PRIM2: variants seen among roughly 807,000 people sequenced by gnomAD.
PRIM2 encodes DNA primase subunit 2.
Under a neutral mutation model 67.3 loss-of-function variants are expected in PRIM2, and 39 were observed. The ratio of observed to expected loss-of-function variants is 0.58; its 90% confidence interval spans 0.45 to 0.76. PRIM2 has a LOEUF of 0.76. Among genes scored for constraint, PRIM2 ranks in the 30% least tolerant of loss-of-function variants. The probability of loss-of-function intolerance (pLI) is 0.00; values close to 1 mark genes in which losing one functional copy is unlikely to be tolerated. For synonymous variants in PRIM2, 143 were observed against 198.7 expected, an observed-to-expected ratio of 0.72 and a Z score of 2.36; for missense variants, 398 against 598.7, an observed-to-expected ratio of 0.66 and a Z score of 3.50.
chr6:57,363,316 A>T (rs1213350682), intron 5 of PRIM2, among the ~76,000 whole-genome samples: 2 of 152,342 alleles, frequency 1.3e-5, no homozygotes, highest in East Asian at 3.9e-4. Context: ...GTAAGCAATT[A>T]GTAATAAAAT....
At chr6:57,267,077 A>G in the PRIM2 span, among the ~76,000 whole-genome samples, 2 of 152,224 alleles carry the variant, frequency 1.3e-5, no homozygotes, top group Non-Finnish European at 2.9e-5. Flanking sequence ...TAAGTCTAAA[A>G]ATGTTCTTAA....
chr6:57,523,418 T>C lies in PRIM2; in HGVS notation c.762-8993T>C, dbSNP rs1279001448. Among the ~76,000 whole-genome samples the C allele has an allele frequency of 7.2e-5, 11 of 152,380 alleles. No individual in the cohort carries two copies. In the South Asian group the frequency reaches 1.0e-3, roughly 14 times the overall value. ...GTTCTTTTATGCCTCCATGATTGCC[T>C]TGGGCAAACTGGACTTGGAGAAATT... On this transcript the variant is annotated intron_variant, in intron 8 of 13. Coordinates refer to ENST00000615550, the MANE Select transcript of PRIM2 (RefSeq NM_000947.5).
chr6:57,251,952 A>G, the PRIM2 span, among the ~76,000 whole-genome samples: 1 of 152,198 alleles, frequency 6.6e-6, no homozygotes, highest in Admixed American at 6.5e-5. Context: ...GAATTCCTGC[A>G]TGGCTTGATT....
chr6:57,609,699 T>A (rs1776630507), intron 12 of PRIM2, among the ~76,000 whole-genome samples: 1 of 152,222 alleles, frequency 6.6e-6, no homozygotes, highest in Non-Finnish European at 1.5e-5. Flanking sequence ...CCTTTAGACC[T>A]GCATTGTAAC....
At chr6:57,440,084 A>G (rs1319218069) in intron 7 of PRIM2, among the ~76,000 whole-genome samples, 2 of 151,334 alleles carry the variant, frequency 1.3e-5, no homozygotes, top group Non-Finnish European at 2.9e-5. Context: ...AATTAAAACT[A>G]TTGAGAATCC....
chr6:57,507,601 A>C, intron 8 of PRIM2, 147 bp downstream of exon 8: 2 of 1,000,596 alleles, frequency 2.0e-6, no homozygotes, highest in Middle Eastern at 6.2e-4. Flanking sequence ...TGAAGTTCTT[A>C]ATACCATGTA....
At chr6:57,286,825 T>C in the PRIM2 span, among the ~76,000 whole-genome samples, 1 of 152,164 alleles carries the variant, frequency 6.6e-6, no homozygotes, top group Non-Finnish European at 1.5e-5. Flanking sequence ...ACAGGCAACC[T>C]ACAGAATGGG....
At chr6:57,227,815 G>A in the PRIM2 span, among the ~76,000 whole-genome samples, 1 of 152,218 alleles carries the variant, frequency 6.6e-6, no homozygotes, top group African/African-American at 2.4e-5. Context: ...GGGCAGTTAT[G>A]AATTCAAACT....
chr6:57,291,565 A>T, the PRIM2 span, among the ~76,000 whole-genome samples: 3 of 152,184 alleles, frequency 2.0e-5, no homozygotes, highest in Non-Finnish European at 4.4e-5. Flanking sequence ...TCAGGCCAAT[A>T]TCCCTGATGA....
At chr6:57,621,084 T>C (rs1776844503) in intron 12 of PRIM2, among the ~76,000 whole-genome samples, 1 of 152,196 alleles carries the variant, frequency 6.6e-6, no homozygotes, top group African/African-American at 2.4e-5. Flanking sequence ...TTTTTTTTGG[T>C]AGTGTACTTA....
intron 10 of PRIM2, among the ~76,000 whole-genome samples, chr6:57,594,713 A>G (rs2127489572): frequency 1.3e-5 from 2 of 152,334 alleles, no homozygotes; most frequent in South Asian, 4.1e-4. Context: ...AAAACATTAC[A>G]ATTTCTAAAG....
chr6:57,449,006 T>C (rs1314340430), intron 7 of PRIM2, among the ~76,000 whole-genome samples: 1 of 152,194 alleles, frequency 6.6e-6, no homozygotes, highest in African/African-American at 2.4e-5. Context: ...TCTGGGGTCC[T>C]CTTGGCCAAG....
chr6:57,417,246 C>A (rs569009854), intron 7 of PRIM2, among the ~76,000 whole-genome samples: 1 of 152,122 alleles, frequency 6.6e-6, no homozygotes, highest in Non-Finnish European at 1.5e-5. Flanking sequence ...GGATTACAGG[C>A]GTGAGCCAGC....
At chr6:57,229,227 T>G in the PRIM2 span, among the ~76,000 whole-genome samples, 2 of 152,192 alleles carry the variant, frequency 1.3e-5, no homozygotes, top group African/African-American at 4.8e-5. Flanking sequence ...GAGAGGCTGA[T>G]CCTAAACCCC....
At chr6:57,274,458 T>G in the PRIM2 span, among the ~76,000 whole-genome samples, 2 of 152,170 alleles carry the variant, frequency 1.3e-5, no homozygotes, top group South Asian at 2.1e-4. Context: ...TGGTGTACCG[T>G]TTTTTAAACC....
the PRIM2 span, among the ~76,000 whole-genome samples, chr6:57,249,179 T>G: frequency 6.6e-6 from 1 of 152,238 alleles, no homozygotes; most frequent in Admixed American, 6.5e-5. Context: ...GGATGTGACA[T>G]GCTTAAGGAG....
At chr6:57,331,671 A>C (rs1487459298) in intron 5 of PRIM2, among the ~76,000 whole-genome samples, 1 of 151,904 alleles carries the variant, frequency 6.6e-6, no homozygotes, top group Non-Finnish European at 1.5e-5. Context: ...TAAGTTATCT[A>C]ATTGATTCAT....
At chr6:57,259,536 G>A in the PRIM2 span, among the ~76,000 whole-genome samples, 1 of 152,090 alleles carries the variant, frequency 6.6e-6, no homozygotes, top group African/African-American at 2.4e-5. Context: ...ATAAGGGTAT[G>A]CCTGTTGATT....
In PRIM2 at chr6:57,507,444, A is replaced by G; in HGVS notation, c.751A>G (p.Asn251Asp). The stretch of plus-strand genomic sequence containing the variant: ...TGATGAAAGACTTCAGCCTCTGCTC[A>G]ATCACCTCAGGTAATATAAGGGCAC... ...QSDERLQPLL[N>D]HLSHSYTGQD... Residue 251 changes from asparagine (N) to aspartate (D), a missense_variant, in exon 8 of 14, where the codon AAT (asparagine) becomes GAT (aspartate). Asn to Asp is a conservative substitution (Grantham distance 23, BLOSUM62 1). This residue lies in a region of PRIM2 where 229 missense variants were observed against 383.6 expected (regional missense o/e 0.60). Coordinates refer to ENST00000615550, the MANE Select transcript of PRIM2 (RefSeq NM_000947.5). The G allele has an allele frequency of 2.6e-6, 4 of 1,540,090 alleles. No individual in the cohort carries two copies. The highest frequency in any genetic ancestry group is 3.5e-6 in the Non-Finnish European group (4 of 1,136,948).
Sources: allele counts gnomAD v4.1 joint callset (sites outside exome capture counted in the v4.1 genomes callset), GRCh38; gene constraint gnomAD v4.1.1; regional missense constraint gnomAD v4.1.1; transcripts MANE v1.5; gene names NCBI Gene and HGNC (gene_info 2026-07-23, HGNC 2026-07-21).